The following ANKHD1 variants were observed in gnomAD, a reference collection of about 807,000 sequenced individuals.
ANKHD1 encodes ankyrin repeat and KH domain containing 1, also known as ankyrin repeat and KH domain-containing protein 1.
Under a neutral mutation model 230.5 loss-of-function variants are expected in ANKHD1, and 31 were observed. That is an observed-to-expected ratio of 0.13 (90% CI 0.10 to 0.18). The LOEUF is 0.18. ANKHD1 is among the 10% of genes least tolerant of loss of function. The pLI is 1.00. For synonymous variants in ANKHD1, 1,074 were observed against 1,117.6 expected (o/e 0.96, Z 0.78); for missense variants, 2,256 against 3,071.3 (o/e 0.73, Z 6.27).
chr5:140,466,573 TAGA>T (rs1487944410), intron 10 of ANKHD1, among the ~76,000 whole-genome samples: 1 of 152,190 alleles, frequency 6.6e-6, no homozygotes, highest in Non-Finnish European at 1.5e-5. Flanking sequence ...TTTAGTTCCT[TAGA>T]AGAACTACAT....
Position 140,531,717 on chromosome 5 carries a change from C to T in ANKHD1, c.6850+1921C>T, listed in dbSNP as rs538463920. ...TTTCACAGTTCCTCAGAAAGTTAGACGTTAAGAGTGATCATATGATCCCAT... is the reference window on the plus strand; with the variant it reads ...TTTCACAGTTCCTCAGAAAGTTAGATGTTAAGAGTGATCATATGATCCCAT... On this transcript the variant is annotated intron_variant, in intron 29 of 33. Transcript: ENST00000360839. Among the ~76,000 whole-genome samples, 258 of 152,166 alleles carry T rather than the reference C, an allele frequency of 1.7e-3. 1 individual carries two copies. Among genetic ancestry groups the T allele is most frequent in the Non-Finnish European group, 2.8e-3 (193 of 67,996 alleles).
intron 7 of ANKHD1, among the ~76,000 whole-genome samples, chr5:140,451,518 C>T (rs892122194): frequency 9.2e-5 from 14 of 151,926 alleles, no homozygotes; most frequent in Admixed American, 6.6e-4. Context: ...TTATTTAATT[C>T]TTTTTTGTTT....
intron 1 of ANKHD1, among the ~76,000 whole-genome samples, chr5:140,425,066 GT>G (rs1333174035): frequency 6.6e-6 from 1 of 152,150 alleles, no homozygotes; most frequent in African/African-American, 2.4e-5. Flanking sequence ...TCCTTCTCCT[GT>G]TTTCAGTTAG....
At chr5:140,491,160 A>ATTTTTTTT (rs1222038703) in intron 14 of ANKHD1, among the ~76,000 whole-genome samples, 2 of 45,658 alleles carry the variant, frequency 4.4e-5, no homozygotes, top group African/African-American at 9.7e-5. Context: ...ATATATATAT[A>ATTTTTTTT]TTTTTTTTTT....
chr5:140,454,663 A>G (rs1775021312), intron 7 of ANKHD1, among the ~76,000 whole-genome samples: 1 of 152,220 alleles, frequency 6.6e-6, no homozygotes, highest in African/African-American at 2.4e-5. Flanking sequence ...TTTGAAACCA[A>G]CAAGAACAAA....
intron 24 of ANKHD1, among the ~76,000 whole-genome samples, chr5:140,520,981 A>C (rs1171878858): frequency 6.6e-6 from 1 of 151,886 alleles, no homozygotes; most frequent in African/African-American, 2.4e-5. Flanking sequence ...GCTGTAATGG[A>C]AAAATTAAAA....
intron 23 of ANKHD1, among the ~76,000 whole-genome samples, 158 bp from the exon 24 acceptor site, chr5:140,513,205 T>A (rs1019245093): frequency 1.3e-5 from 2 of 152,220 alleles, no homozygotes; most frequent in Non-Finnish European, 2.9e-5. Context: ...GGAAATGGTG[T>A]CTTATTTTTG....
intron 10 of ANKHD1, among the ~76,000 whole-genome samples, chr5:140,480,091 G>A (rs1751202921): frequency 6.7e-6 from 1 of 149,866 alleles, no homozygotes; most frequent in South Asian, 2.1e-4. Context: ...ATATTTTGGG[G>A]CAAATATTGT....
At chr5:140,532,446 T>G (rs1354426768) in intron 29 of ANKHD1, among the ~76,000 whole-genome samples, 5 of 152,006 alleles carry the variant, frequency 3.3e-5, no homozygotes, top group Admixed American at 3.3e-4. Flanking sequence ...CTTTTTCTTT[T>G]TTTTCTTGAG....
At chr5:140,427,579 C>T (rs1252951760) in intron 1 of ANKHD1, among the ~76,000 whole-genome samples, 15 of 136,638 alleles carry the variant, frequency 1.1e-4, no homozygotes, top group Admixed American at 6.5e-4. Flanking sequence ...GCGGACGGGG[C>T]GGCTGGCCGG....
intron 25 of ANKHD1, chr5:140,524,985 G>A (rs1037920433): frequency 3.2e-6 from 1 of 309,966 alleles, no homozygotes; most frequent in Non-Finnish European, 6.4e-6. Context: ...CAGGCGTGGT[G>A]GCACATGCCT....
At chr5:140,436,370 A>C in intron 2 of ANKHD1, 113 bp downstream of exon 2, 1 of 1,225,972 alleles carries the variant, frequency 8.2e-7, no homozygotes, top group South Asian at 3.1e-5. Context: ...AAAATCTCTA[A>C]AATTTATTTT....
chr5:140,437,317 A>G (rs1046280775), intron 2 of ANKHD1, among the ~76,000 whole-genome samples: 2 of 152,240 alleles, frequency 1.3e-5, no homozygotes, highest in African/African-American at 2.4e-5. Context: ...ATAGCCTTAT[A>G]TATCTGTAAC....
chr5:140,501,122 A>G (rs1752285180), intron 15 of ANKHD1, among the ~76,000 whole-genome samples: 2 of 141,774 alleles, frequency 1.4e-5, no homozygotes, highest in African/African-American at 2.6e-5. Flanking sequence ...TTTGAGACGG[A>G]GTCTCACACT....
At chr5:140,523,494 A>G (rs775037117) in intron 24 of ANKHD1, among the ~76,000 whole-genome samples, 4 of 151,072 alleles carry the variant, frequency 2.6e-5, no homozygotes, top group Non-Finnish European at 4.4e-5. Flanking sequence ...TTTATATATT[A>G]TAGATACAAG....
At chr5:140,533,388 G>A (rs1753923941) in intron 29 of ANKHD1, among the ~76,000 whole-genome samples, 1 of 152,150 alleles carries the variant, frequency 6.6e-6, no homozygotes, top group Admixed American at 6.6e-5. Context: ...CACGAGGTCA[G>A]GAGATCGAGA....
chr5:140,495,026 C>G (rs1330811370), intron 14 of ANKHD1, among the ~76,000 whole-genome samples: 1 of 152,044 alleles, frequency 6.6e-6, no homozygotes, highest in Non-Finnish European at 1.5e-5. Context: ...TCTCTTATGC[C>G]TGTTTGCAAT....
chr5:140,461,087 A>G (rs1373450635), intron 9 of ANKHD1, among the ~76,000 whole-genome samples: 1 of 152,226 alleles, frequency 6.6e-6, no homozygotes, highest in East Asian at 1.9e-4. Context: ...AATGTTTATT[A>G]AGAAATTATT....
At chr5:140,509,985 C>A (rs907188470) in intron 21 of ANKHD1, 34 bp from the exon 22 acceptor site, 2 of 1,567,782 alleles carry the variant, frequency 1.3e-6, no homozygotes, top group Non-Finnish European at 1.7e-6. Context: ...CCTCTTCTTA[C>A]AGGAAACAAA....
Sources: gnomAD v4.1 joint callset for allele counts (sites outside exome capture counted in the v4.1 genomes callset) on GRCh38, gnomAD v4.1.1 for gene constraint, MANE v1.5 for transcripts, NCBI Gene and HGNC (gene_info 2026-07-23, HGNC 2026-07-21) for gene names.